Variants in EML1 observed in about 807,000 individuals in gnomAD.
EML1 encodes EMAP like 1.
Under a neutral mutation model 110.4 loss-of-function variants are expected in EML1, and 27 were observed. The observed-to-expected ratio is 0.24, with a 90% CI of 0.18 to 0.34. EML1 has a LOEUF of 0.34. Among genes scored for constraint, EML1 ranks in the 10% least tolerant of loss-of-function variants. EML1 has a pLI of 1.00. For missense variants in EML1, 741 were observed against 1,030.9 expected (o/e 0.72, Z 3.85); for synonymous variants, 344 against 385.8 (o/e 0.89, Z 1.27).
intron 7 of EML1, 147 bp downstream of exon 7, chr14:99,897,441 G>A: frequency 1.1e-6 from 1 of 889,876 alleles, no homozygotes; most frequent in South Asian, 2.2e-5. Flanking sequence ...TGTTGCACAG[G>A]TGGAAATAGC....
exon 1 of EML1, chr14:99,737,845 G>A (rs756631120): frequency 7.2e-5 from 93 of 1,289,138 alleles, no homozygotes; most frequent in Middle Eastern, 2.1e-4. Context: ...GTCGGACGGC[G>A]AGGGCCCCTC....
chr14:99,799,665 C>T (rs777018946), intron 1 of EML1, among the ~76,000 whole-genome samples: 31 of 152,278 alleles, frequency 2.0e-4, no homozygotes, highest in Admixed American at 4.6e-4. Flanking sequence ...AACAAACCCA[C>T]GCATTTTGGT....
chr14:99,858,877 T>G (rs2058951609), intron 2 of EML1, among the ~76,000 whole-genome samples: 1 of 152,238 alleles, frequency 6.6e-6, no homozygotes, highest in Non-Finnish European at 1.5e-5. Context: ...AAAAGTAAAC[T>G]TTGGATTTCC....
intron 3 of EML1, among the ~76,000 whole-genome samples, chr14:99,874,295 T>A (rs1212083045): frequency 1.3e-5 from 2 of 152,146 alleles, no homozygotes; most frequent in Non-Finnish European, 2.9e-5. Flanking sequence ...AGGTTGCAGG[T>A]TTGGGTGTGC....
At chr14:99,887,328 C>A (rs2059496886) in intron 4 of EML1, among the ~76,000 whole-genome samples, 2 of 152,164 alleles carry the variant, frequency 1.3e-5, no homozygotes, top group Admixed American at 1.3e-4. Context: ...AGATATTGGC[C>A]ACAACTTAAC....
chr14:99,848,560 A>G (rs1287499959), intron 1 of EML1, among the ~76,000 whole-genome samples: 1 of 152,224 alleles, frequency 6.6e-6, no homozygotes. Context: ...GAAATCTTGC[A>G]ACTTGTAGAT....
intron 1 of EML1, among the ~76,000 whole-genome samples, chr14:99,831,717 T>C (rs1417399567): frequency 1.3e-5 from 2 of 152,204 alleles, no homozygotes; most frequent in Non-Finnish European, 2.9e-5. Flanking sequence ...CCAAACTGAA[T>C]ATTTTCTTAT....
chr14:99,801,580 A>T (rs978774687), intron 1 of EML1, among the ~76,000 whole-genome samples: 2 of 151,246 alleles, frequency 1.3e-5, no homozygotes, highest in Non-Finnish European at 2.9e-5. Flanking sequence ...GTGCCACTGC[A>T]CTCCAGCCTG....
chr14:99,826,539 G>A (rs1234794023), intron 1 of EML1, among the ~76,000 whole-genome samples: 1 of 152,080 alleles, frequency 6.6e-6, no homozygotes, highest in Admixed American at 6.6e-5. Context: ...TTTGATCACC[G>A]GAGGATTATT....
chr14:99,825,781 T>G (rs1198828852), intron 1 of EML1, among the ~76,000 whole-genome samples: 1 of 152,196 alleles, frequency 6.6e-6, no homozygotes, highest in South Asian at 2.1e-4. Flanking sequence ...TGCCACAGAT[T>G]TCTCCTTCAG....
At chr14:99,934,095 CA>C (rs945004864) in intron 17 of EML1, among the ~76,000 whole-genome samples, 4 of 150,514 alleles carry the variant, frequency 2.7e-5, no homozygotes, top group African/African-American at 7.3e-5. Flanking sequence ...AACTCCGTCT[CA>C]AAAAAAAACA....
chr14:99,823,445 A>G (rs1406638107), intron 1 of EML1, among the ~76,000 whole-genome samples: 3 of 152,056 alleles, frequency 2.0e-5, no homozygotes, highest in Non-Finnish European at 2.9e-5. Flanking sequence ...TCGGGTCTGG[A>G]CGTCCTCTCT....
intron 3 of EML1, among the ~76,000 whole-genome samples, chr14:99,868,444 G>A (rs2059138989): frequency 1.3e-5 from 2 of 152,136 alleles, no homozygotes. Flanking sequence ...TTGGGTCCTG[G>A]ACTTTTCTTT....
upstream of EML1, among the ~76,000 whole-genome samples, chr14:99,768,315 G>T (rs532605641): frequency 2.0e-5 from 3 of 152,324 alleles, no homozygotes; most frequent in African/African-American, 7.2e-5. Context: ...CATTCTTCAT[G>T]GTGGAGTGGT....
chr14:99,909,914 G>T (rs1056827946), intron 11 of EML1, among the ~76,000 whole-genome samples: 2 of 152,136 alleles, frequency 1.3e-5, no homozygotes, highest in African/African-American at 2.4e-5. Flanking sequence ...TTATTCTGGT[G>T]CTCGGACCCT....
intron 1 of EML1, among the ~76,000 whole-genome samples, chr14:99,812,668 G>T (rs2058102192): frequency 6.6e-6 from 1 of 152,146 alleles, no homozygotes; most frequent in South Asian, 2.1e-4. Context: ...AGCAGGTGGG[G>T]TAGGGAGGGG....
chr14:99,900,277 C>T (rs949429876), intron 8 of EML1, among the ~76,000 whole-genome samples: 3 of 151,110 alleles, frequency 2.0e-5, no homozygotes, highest in African/African-American at 7.3e-5. Context: ...CAACCTCCAC[C>T]TCCCGGGTTC....
intron 1 of EML1, chr14:99,774,130 G>A (rs550528053): frequency 4.6e-5 from 7 of 152,674 alleles, no homozygotes; most frequent in African/African-American, 1.7e-4. Context: ...GCCTGGGCCA[G>A]GAGAAGAGCC....
intron 17 of EML1, among the ~76,000 whole-genome samples, chr14:99,921,748 G>T (rs1566939181): frequency 6.6e-6 from 1 of 152,044 alleles, no homozygotes; most frequent in Non-Finnish European, 1.5e-5. Context: ...CAGCTTTATT[G>T]AGGAGTAATT....
Sources: gnomAD v4.1 joint callset for allele counts (sites outside exome capture counted in the v4.1 genomes callset) on GRCh38, gnomAD v4.1.1 for gene constraint, MANE v1.5 for transcripts, NCBI Gene and HGNC (gene_info 2026-07-23, HGNC 2026-07-21) for gene names.